BCL2L14: variants seen among roughly 807,000 people sequenced by gnomAD.
The protein encoded by BCL2L14 is BCL2 like 14.
A neutral mutation model predicts 35.3 loss-of-function variants in BCL2L14; 27 were observed. That is an observed-to-expected ratio of 0.76 (90% CI 0.56 to 1.05). BCL2L14 has a LOEUF of 1.05. BCL2L14 is among the 50% of genes least tolerant of loss of function. The pLI is 0.00. For synonymous variants in BCL2L14, 139 were observed against 145.9 expected (o/e 0.95, Z 0.34); for missense variants, 377 against 382.6 (o/e 0.99, Z 0.12).
At chr12:12,091,796 G>A (rs1400066705) in intron 4 of BCL2L14, among the ~76,000 whole-genome samples, 1 of 152,138 alleles carries the variant, frequency 6.6e-6, no homozygotes, top group Non-Finnish European at 1.5e-5. Context: ...AGGGTGGAGA[G>A]GGGTGCAGAG....
rs1271843304 is a variant in BCL2L14, at chr12:12,094,866, T to A, written c.881T>A (p.Leu294Gln). Residue 294 changes from leucine to glutamine, a missense_variant, in exon 5 of 6, where the codon CTG becomes CAG. Transcript: ENST00000308721. ...GACAACCACCCGATGAACAGGGTCC[T>A]GGGCTTTGGCACCAAGTACCTGAAA... ...AIDNHPMNRV[L>Q]GFGTKYLKEN... 1 of 1,614,110 alleles carries A rather than the reference T, an allele frequency of 6.2e-7. No individual in the cohort carries two copies. The highest frequency in any genetic ancestry group is 8.5e-7 in the Non-Finnish European group (1 of 1,180,060).
rs898655891 is a variant in BCL2L14, at chr12:12,072,727, C to A, written c.-8+1590C>A. On this transcript the variant is annotated intron_variant, in intron 1 of 5. Transcript: ENST00000308721. ...GGGCTTCTTGTATAGAGTACAATTT[C>A]TGTAGGAAGAGCTGAAAGCAGAAGG... Among the ~76,000 whole-genome samples the A allele has an allele frequency of 4.6e-5, 7 of 152,166 alleles. No individual in the cohort carries two copies. The South Asian group carries it at 1.5e-3, about 32-fold the overall frequency.
intron 2 of BCL2L14, among the ~76,000 whole-genome samples, chr12:12,084,769 T>C (rs186204926): frequency 4.6e-5 from 7 of 152,226 alleles, no homozygotes; most frequent in Non-Finnish European, 2.9e-5. Context: ...CTCCTGGACA[T>C]GTCTCACTCC....
At position 12,062,531 on chromosome 12, in the gene BCL2L14, C is replaced by A. The variant is rs1159714575; in HGVS notation, c.-272+10684C>A. 3.3e-5 allele frequency among the ~76,000 whole-genome samples: 5 copies of A among 151,828 alleles called. No homozygotes were observed. In the East Asian group the frequency reaches 7.7e-4, roughly 23 times the overall value. On this transcript the variant is annotated intron_variant, in intron 2 of 3. Transcript: ENST00000461264. Reference sequence around the variant, plus strand: ...GTGTTCCATCTGCTATTCTACTACTCCTCAGGGATTATTCAGGTCCCCTCC... The same window carrying A: ...GTGTTCCATCTGCTATTCTACTACTACTCAGGGATTATTCAGGTCCCCTCC...
intron 5 of BCL2L14, chr12:12,095,336 G>C (rs1050525524): frequency 3.0e-6 from 3 of 985,260 alleles, no homozygotes; most frequent in Admixed American, 6.1e-5. Context: ...CGGAGACTAA[G>C]CCTCATGCAG....
chr12:12,075,776 T>A (rs1948768431), intron 1 of BCL2L14, among the ~76,000 whole-genome samples: 2 of 152,032 alleles, frequency 1.3e-5, no homozygotes, highest in South Asian at 2.1e-4. Context: ...TGTCTTCACC[T>A]TTTTTTGGCG....
intron 1 of BCL2L14, 78 bp downstream of exon 1, chr12:12,071,215 G>A (rs1591813681): frequency 2.0e-5 from 3 of 152,284 alleles, no homozygotes; most frequent in Non-Finnish European, 4.4e-5. Flanking sequence ...TTTGCCAAAT[G>A]AGGCAGTCTA....
chr12:12,079,575 G>GT lies in BCL2L14; in HGVS notation c.271dup (p.Ser91PhefsTer46). The GT allele has an allele frequency of 6.2e-7, 1 of 1,614,220 alleles. No homozygotes were observed. The highest frequency in any genetic ancestry group is 8.5e-7 in the Non-Finnish European group (1 of 1,180,038). On this transcript the variant is annotated frameshift_variant, in exon 2 of 6. Coordinates refer to ENST00000308721, the MANE Select transcript of BCL2L14 (RefSeq NM_138723.2). LOFTEE classifies it high-confidence loss of function. ...AGGCCATAAACCTTGGCAAGAAAAA[G>GT]TCTTCTTGGAAAGCATTCTTTGGAG...
In BCL2L14 at chr12:12,079,655, A is replaced by G. The variant is rs141892443; in HGVS notation, c.350A>G (p.Gln117Arg). 5.3e-4 allele frequency: 861 copies of G among 1,614,194 alleles called. 4 individuals are homozygous for G. The African/African-American group carries it at 0.01, about 20-fold the overall frequency. ...CCTGCCAAGGTCTCTGCTCAGGGTC[A>G]AAGGACGTTGGAATACCAAGATTCG... The part of the protein sequence containing the change: ...STPAKVSAQG[Q>R]RTLEYQDSHS... The change falls in exon 2 of 6, where the codon CAA (glutamine) becomes CGA (arginine). Residue 117 changes from glutamine to arginine, a missense_variant. By Grantham distance (43) the Gln-to-Arg change is conservative. Transcript: ENST00000308721.
intron 2 of BCL2L14, among the ~76,000 whole-genome samples, chr12:12,052,385 C>T (rs555490883): frequency 1.4e-4 from 20 of 142,714 alleles, no homozygotes; most frequent in Non-Finnish European, 1.1e-4. Context: ...CACCGCTCCA[C>T]CCCCAGTCCC....
Position 12,059,946 on chromosome 12 carries a change from T to C in BCL2L14, c.-272+8099T>C, listed in dbSNP as rs556349118. Reference sequence around the variant, plus strand: ...GCATTCTTTTACACATCCGTCCCTCTCTAGTCTCTGTTCCCAATGCAACTC... The same window carrying C: ...GCATTCTTTTACACATCCGTCCCTCCCTAGTCTCTGTTCCCAATGCAACTC... On this transcript the variant is annotated intron_variant, in intron 2 of 3. Transcript: ENST00000461264. Among the ~76,000 whole-genome samples the C allele has an allele frequency of 1.8e-4, 27 of 152,192 alleles. No homozygotes were observed. The South Asian group carries it at 5.4e-3, about 30-fold the overall frequency.
intron 2 of BCL2L14, among the ~76,000 whole-genome samples, chr12:12,061,193 G>C (rs528616461): frequency 6.7e-6 from 1 of 149,996 alleles, no homozygotes; most frequent in East Asian, 2.0e-4. Context: ...CTATTCCTGG[G>C]CTACAGCCAC....
intron 2 of BCL2L14, among the ~76,000 whole-genome samples, chr12:12,086,413 C>T (rs997619890): frequency 9.2e-5 from 14 of 152,220 alleles, no homozygotes; most frequent in African/African-American, 3.1e-4. Context: ...CATCTGCCCA[C>T]CCCACCTCCC....
At chr12:12,060,961 C>T (rs79813913) in intron 2 of BCL2L14, among the ~76,000 whole-genome samples, 6,830 of 57,924 alleles carry the variant, frequency 0.12, 1,151 homozygotes, top group Non-Finnish European at 0.13. Context: ...TTAATCAATA[C>T]GGAGGCTACC....
At chr12:12,049,931 A>G (rs1334790539) in exon 1 of BCL2L14, 1 of 152,170 alleles carries the variant, frequency 6.6e-6, no homozygotes, top group African/African-American at 2.4e-5. Flanking sequence ...ACCACCTAGA[A>G]GAACGTTATT....
At chr12:12,059,107 CG>C (rs774649087) in intron 2 of BCL2L14, among the ~76,000 whole-genome samples, 10 of 152,230 alleles carry the variant, frequency 6.6e-5, no homozygotes, top group Non-Finnish European at 7.3e-5. Flanking sequence ...GTGCCGGTCA[CG>C]GACTGGGAAT....
intron 2 of BCL2L14, chr12:12,055,622 T>C (rs908962806): frequency 2.0e-5 from 3 of 152,094 alleles, no homozygotes; most frequent in Non-Finnish European, 4.4e-5. Context: ...ACCTGTGCAC[T>C]CTCCTCATAG....
rs111441158 is a variant in BCL2L14 at position 12,096,449 on chromosome 12, C to A, written c.945+1519C>A. Among the ~76,000 whole-genome samples the A allele has an allele frequency of 7.7e-3, 282 of 36,388 alleles. 1 individual carries two copies. Among genetic ancestry groups the A allele is most frequent in the South Asian group, 0.029 (34 of 1,174 alleles). The allele number at this position is 36,388 out of a possible 152,430, so 23.9% of individuals were successfully genotyped here. A position where few individuals can be genotyped will look rare whatever the true frequency, so the allele number is the denominator to read the frequency against. On this transcript the variant is annotated intron_variant, in intron 5 of 5. Transcript: ENST00000308721. ...CAAGAATGTGAAAAAAAAAAAAAAACAACCCACAGAATGGGGAAAAATACT... is the reference window on the plus strand; with the variant it reads ...CAAGAATGTGAAAAAAAAAAAAAAAAAACCCACAGAATGGGGAAAAATACT...
At chr12:12,055,046 CAT>C (rs1948411153) in intron 2 of BCL2L14, 1 of 151,948 alleles carries the variant, frequency 6.6e-6, no homozygotes, top group Non-Finnish European at 1.5e-5. Flanking sequence ...ACCAATTACT[CAT>C]AGAGTCATAA....
Sources: gnomAD v4.1 joint callset for allele counts (sites outside exome capture counted in the v4.1 genomes callset) on GRCh38, gnomAD v4.1.1 for gene constraint, MANE v1.5 for transcripts, NCBI Gene and HGNC (gene_info 2026-07-23, HGNC 2026-07-21) for gene names.